The following GNG7 variants were observed in gnomAD, a reference collection of about 807,000 sequenced individuals.
GNG7 encodes the protein guanine nucleotide-binding protein G(I)/G(S)/G(O) subunit gamma-7.
A neutral mutation model predicts 4.0 loss-of-function variants in GNG7; 1 was observed. That is an observed-to-expected ratio of 0.25 (90% confidence interval 0.09 to 1.18). The LOEUF (loss-of-function observed/expected upper bound fraction) is 1.18. Ranked by LOEUF, GNG7 falls within the 50% of genes most tolerant of loss-of-function variation. GNG7 has a pLI of 0.50. For missense variants in GNG7, 86 were observed against 91.9 expected (o/e 0.94, Z 0.26); for synonymous variants, 34 against 36.9 (o/e 0.92, Z 0.29).
intron 2 of GNG7, among the ~76,000 whole-genome samples, chr19:2,570,955 G>A (rs1173406537): frequency 1.4e-5 from 2 of 144,418 alleles, no homozygotes; most frequent in South Asian, 2.2e-4. Context: ...ACGCCACCAC[G>A]CCTGGCTAAT....
intron 1 of GNG7, among the ~76,000 whole-genome samples, chr19:2,669,346 T>C (rs1164465837): frequency 6.6e-6 from 1 of 151,834 alleles, no homozygotes; most frequent in Non-Finnish European, 1.5e-5. Context: ...AAAAATTAGC[T>C]GGGCGTGGTG....
intron 4 of GNG7, chr19:2,516,954 G>T (rs535268686): frequency 6.6e-6 from 1 of 152,360 alleles, no homozygotes; most frequent in Non-Finnish European, 1.5e-5. Flanking sequence ...CAGCAGGGCT[G>T]GGGCTGGGGT....
At chr19:2,524,008 A>G (rs1978325058) in intron 3 of GNG7, among the ~76,000 whole-genome samples, 1 of 152,166 alleles carries the variant, frequency 6.6e-6, no homozygotes, top group Non-Finnish European at 1.5e-5. Context: ...CATCCAACTC[A>G]GGGAAAACCG....
Position 2,650,183 on chromosome 19 carries a change from C to CT in GNG7, c.-134-3904dup, listed in dbSNP as rs529803793. ...CTGTGAATATTCGTGTCATAGGAAT[C>CT]TTTTTTTTTTTTTTTTTTGAGACAG... On this transcript the variant is annotated intron_variant, in intron 1 of 4. Transcript: ENST00000382159. 3.6e-3 allele frequency among the ~76,000 whole-genome samples: 458 copies of CT among 125,970 alleles called. 7 individuals are homozygous for CT. The highest frequency in any genetic ancestry group is 0.015 in the East Asian group (66 of 4,418). 82.6% of individuals were successfully genotyped at this position (125,970 alleles called of 152,430 possible).
rs571519783 is a variant in GNG7, at chr19:2,701,884, G to A, written c.-135+762C>T. ...AATTCCACTTCCAGCCCCCTCCCCAGCTAACCTCGACCTACAATTCCAGCC... is the reference window on the plus strand; with the variant it reads ...AATTCCACTTCCAGCCCCCTCCCCAACTAACCTCGACCTACAATTCCAGCC... On this transcript the variant is annotated intron_variant, in intron 1 of 4. Coordinates refer to ENST00000382159, the MANE Select transcript of GNG7 (RefSeq NM_052847.3). 7.1e-4 allele frequency among the ~76,000 whole-genome samples: 82 copies of A among 115,918 alleles called. 2 individuals carry two copies. Among genetic ancestry groups the A allele is most frequent in the South Asian group, 1.3e-3 (5 of 3,852 alleles). The allele number at this position is 115,918 out of a possible 152,430, so 76.0% of individuals were successfully genotyped here. A position where few individuals can be genotyped will look rare whatever the true frequency, so the allele number is the denominator to read the frequency against.
At chr19:2,551,604 T>C (rs1568240137) in intron 3 of GNG7, among the ~76,000 whole-genome samples, 3 of 147,940 alleles carry the variant, frequency 2.0e-5, no homozygotes, top group Non-Finnish European at 4.5e-5. Context: ...TATAAATATA[T>C]AAACAAATAT....
intron 1 of GNG7, among the ~76,000 whole-genome samples, chr19:2,652,239 A>C (rs914199983): frequency 1.3e-5 from 2 of 152,116 alleles, no homozygotes; most frequent in African/African-American, 4.8e-5. Flanking sequence ...GGAGAATACG[A>C]TGCCAAGTGA....
intron 3 of GNG7, among the ~76,000 whole-genome samples, chr19:2,547,714 G>A (rs1193987813): frequency 1.3e-5 from 2 of 152,218 alleles, no homozygotes; most frequent in South Asian, 2.1e-4. Context: ...TTGGATGGAA[G>A]GGGCTGGAGG....
At chr19:2,684,260 G>T (rs549338090) in intron 1 of GNG7, among the ~76,000 whole-genome samples, 13 of 151,018 alleles carry the variant, frequency 8.6e-5, no homozygotes, top group African/African-American at 3.2e-4. Context: ...CCTCAGCCTC[G>T]CGAGTAGCTG....
At chr19:2,599,791 G>A (rs1981144694) in intron 2 of GNG7, among the ~76,000 whole-genome samples, 4 of 152,038 alleles carry the variant, frequency 2.6e-5, no homozygotes, top group Admixed American at 2.6e-4. Context: ...ACAAAAATTA[G>A]CCGGGGGTGG....
In GNG7 at chr19:2,520,761, A is replaced by C. The variant is rs1387219577; in HGVS notation, c.-37-36T>G. The stretch of plus-strand genomic sequence containing the variant: ...AGCAGAGGGGTGTGGGTCAAAGTTC[A>C]GGTCAGGCCTCTGGGTGGCAGCAGG... On this transcript the variant is annotated intron_variant, in intron 3 of 4. Coordinates refer to ENST00000382159, the MANE Select transcript of GNG7 (RefSeq NM_052847.3). 4 of 933,646 alleles carry C rather than the reference A, an allele frequency of 4.3e-6. No individual in the cohort carries two copies. The Admixed American group carries it at 8.2e-5, about 19-fold the overall frequency. 57.8% of individuals were successfully genotyped at this position (933,646 alleles called of 1,614,324 possible).
At chr19:2,673,704 A>AG (rs1555702792) in intron 1 of GNG7, among the ~76,000 whole-genome samples, 1 of 151,400 alleles carries the variant, frequency 6.6e-6, no homozygotes, top group Non-Finnish European at 1.5e-5. Context: ...AAAAAAAAAA[A>AG]AAAGAAAGAA....
chr19:2,608,374 G>A (rs149491218), intron 2 of GNG7, among the ~76,000 whole-genome samples: 7 of 151,946 alleles, frequency 4.6e-5, no homozygotes, highest in African/African-American at 1.2e-4. Context: ...CTGGAGGGAC[G>A]GGCTCTTCAC....
At chr19:2,584,527 G>A (rs1252206221) in intron 2 of GNG7, among the ~76,000 whole-genome samples, 4 of 150,094 alleles carry the variant, frequency 2.7e-5, no homozygotes, top group Non-Finnish European at 5.9e-5. Flanking sequence ...AGCCCAAGAG[G>A]TCAAGGCTGC....
intron 2 of GNG7, among the ~76,000 whole-genome samples, chr19:2,583,198 T>C (rs1179261883): frequency 6.6e-6 from 1 of 152,126 alleles, no homozygotes; most frequent in Non-Finnish European, 1.5e-5. Context: ...GTGGAGGACA[T>C]TGGAATAACT....
intron 2 of GNG7, among the ~76,000 whole-genome samples, chr19:2,585,801 C>T (rs866101860): frequency 3.9e-5 from 6 of 152,050 alleles, no homozygotes; most frequent in Non-Finnish European, 4.4e-5. Flanking sequence ...CCCGGGTTCA[C>T]GCCATTCTCC....
rs117665901 is a variant in GNG7 at position 2,617,044 on chromosome 19, C to T, written c.-78+29180G>A. On this transcript the variant is annotated intron_variant, in intron 2 of 4. Transcript: ENST00000382159. This position sits in a 1 kb window ranked among gnomAD's most constrained non-coding sequence, Gnocchi z 4.7. ...CCTTCCACCAGTGTGCTGCCCAGCA[C>T]GTGACTATCGGAAAAACTTTAGCTT... Among the ~76,000 whole-genome samples the T allele has an allele frequency of 6.8e-3, 1,034 of 152,306 alleles. 10 individuals carry two copies. The highest frequency in any genetic ancestry group is 0.029 in the South Asian group (139 of 4,832).
chr19:2,657,354 AAAAAAAAATATATATATATATATATATAT>A (rs1983012020), intron 1 of GNG7, among the ~76,000 whole-genome samples: 1 of 21,866 alleles, frequency 4.6e-5, no homozygotes, highest in African/African-American at 1.1e-4. Context: ...AAAAAAAAAA[AAAAAAAAATATATATATATATATATATAT>A]ATATATATAT....
chr19:2,638,720 T>C (rs1982401138), intron 2 of GNG7, among the ~76,000 whole-genome samples: 1 of 128,870 alleles, frequency 7.8e-6, no homozygotes, highest in Admixed American at 8.4e-5. Context: ...GAGACATCCC[T>C]AGACATCTCC....
Sources: allele counts gnomAD v4.1 joint callset (sites outside exome capture counted in the v4.1 genomes callset), GRCh38; gene constraint gnomAD v4.1.1; non-coding constraint Gnocchi (gnomAD v3.1); transcripts MANE v1.5; gene names NCBI Gene and HGNC (gene_info 2026-07-23, HGNC 2026-07-21).